Variants in ZFHX3 observed in about 807,000 individuals in gnomAD.
ZFHX3 encodes zinc finger homeobox protein 3.
Under a neutral mutation model 279.1 loss-of-function variants are expected in ZFHX3, and 42 were observed. The ratio of observed to expected loss-of-function variants is 0.15; its 90% CI spans 0.12 to 0.19. The LOEUF is 0.19. Ranked by LOEUF, ZFHX3 falls within the 10% of genes least tolerant of loss-of-function variation. The probability of loss-of-function intolerance (pLI) is 1.00; values close to 1 mark genes in which losing one functional copy is unlikely to be tolerated. For missense variants in ZFHX3, 4,981 were observed against 4,754.0 expected, an observed-to-expected ratio of 1.05 and a Z score of -1.40; for synonymous variants, 2,293 against 1,957.8, an observed-to-expected ratio of 1.17 and a Z score of -4.52.
chr16:72,803,533 A>AT (rs1010728519), intron 7 of ZFHX3, among the ~76,000 whole-genome samples: 2 of 152,044 alleles, frequency 1.3e-5, no homozygotes, highest in African/African-American at 2.4e-5. Context: ...AACAATATAC[A>AT]TGCTTTCTCT....
At chr16:73,251,846 CAT>C (rs1354223301) in intron 5 of ZFHX3, among the ~76,000 whole-genome samples, 32 of 140,568 alleles carry the variant, frequency 2.3e-4, no homozygotes, top group African/African-American at 8.4e-4. Flanking sequence ...TGCACACGCA[CAT>C]ACACACCGCA....
chr16:73,128,851 A>C (rs775615391), intron 7 of ZFHX3, among the ~76,000 whole-genome samples: 1 of 152,154 alleles, frequency 6.6e-6, no homozygotes, highest in African/African-American at 2.4e-5. Context: ...ACCATCAGAG[A>C]ATACCTTTTG....
chr16:73,349,138 TG>T (rs1431814676), intron 3 of ZFHX3, among the ~76,000 whole-genome samples: 2 of 152,092 alleles, frequency 1.3e-5, no homozygotes, highest in African/African-American at 4.8e-5. Context: ...AGGGATCTCT[TG>T]TGTCTTCCTG....
rs559226465 is a variant in ZFHX3 at position 73,298,757 on chromosome 16, A to G, written c.-1194+19483T>C. On this transcript the variant is annotated intron_variant, in intron 4 of 17. Transcript: ENST00000641206. ...TGGGGGCAGGGAAGGGAGATGCTGT[A>G]AGCAAAAGAGAAACTAACATTCCAG... Among the ~76,000 whole-genome samples, 34 of 152,290 alleles carry G rather than the reference A, an allele frequency of 2.2e-4. 1 individual carries two copies. The highest frequency in any genetic ancestry group is 7.9e-4 in the African/African-American group (33 of 41,564).
chr16:73,509,777 C>T (rs2019395845), intron 2 of ZFHX3, among the ~76,000 whole-genome samples: 2 of 149,316 alleles, frequency 1.3e-5, no homozygotes, highest in African/African-American at 2.5e-5. Context: ...CTCACTGCAA[C>T]CTCCACCCCC....
intron 3 of ZFHX3, among the ~76,000 whole-genome samples, chr16:72,932,653 C>CA (rs3079316): frequency 0.2 from 20,674 of 102,996 alleles, 2,591 homozygotes; most frequent in East Asian, 0.62. Context: ...TGCTCCGCAC[C>CA]AAAAAAAAAA....
intron 1 of ZFHX3, among the ~76,000 whole-genome samples, chr16:73,784,806 T>TACAC (rs1567409723): frequency 7.4e-5 from 9 of 121,774 alleles, no homozygotes; most frequent in African/African-American, 3.8e-4. Context: ...AATATATATA[T>TACAC]ATATATATAT....
chr16:73,105,356 C>CAG (rs1555498935), intron 7 of ZFHX3, among the ~76,000 whole-genome samples: 1 of 120,082 alleles, frequency 8.3e-6, no homozygotes, highest in Non-Finnish European at 1.8e-5. Context: ...TATATATACA[C>CAG]ATATATATAC....
At chr16:73,570,065 C>T (rs370358001) in intron 2 of ZFHX3, among the ~76,000 whole-genome samples, 52 of 152,068 alleles carry the variant, frequency 3.4e-4, no homozygotes, top group Admixed American at 5.2e-4. Context: ...TGACACTTCC[C>T]GGGTATACAT....
At chr16:73,052,369 G>A (rs1329088013), upstream of ZFHX3, among the ~76,000 whole-genome samples, 2 of 151,692 alleles carry the variant, frequency 1.3e-5, no homozygotes, top group African/African-American at 4.8e-5. Flanking sequence ...ATTCATTGAG[G>A]TTTGCAGTTC....
intron 4 of ZFHX3, among the ~76,000 whole-genome samples, chr16:72,838,779 A>G (rs771552781): frequency 1.3e-5 from 2 of 152,278 alleles, no homozygotes; most frequent in Non-Finnish European, 2.9e-5. Flanking sequence ...CTGTGTTCTT[A>G]GCAAAAGCAC....
chr16:72,804,443 A>T (rs2036202734), intron 7 of ZFHX3, among the ~76,000 whole-genome samples: 1 of 152,248 alleles, frequency 6.6e-6, no homozygotes, highest in Non-Finnish European at 1.5e-5. Flanking sequence ...TCACAGAAAG[A>T]ATATTCCAGA....
chr16:73,605,812 A>C (rs1946070076), intron 2 of ZFHX3, among the ~76,000 whole-genome samples: 1 of 152,130 alleles, frequency 6.6e-6, no homozygotes, highest in South Asian at 2.1e-4. Flanking sequence ...AAGCTATCAT[A>C]TGGGTACTTA....
chr16:73,663,813 G>T (rs927166466), intron 2 of ZFHX3, among the ~76,000 whole-genome samples: 4 of 152,178 alleles, frequency 2.6e-5, no homozygotes, highest in African/African-American at 9.7e-5. Context: ...ATCTCTGAGA[G>T]GGAAATGGAC....
chr16:73,064,265 G>A (rs796200858), upstream of ZFHX3, among the ~76,000 whole-genome samples: 9 of 152,152 alleles, frequency 5.9e-5, no homozygotes, highest in African/African-American at 2.2e-4. Context: ...CGGCCAGGGA[G>A]GTTCCGCGAC....
At chr16:73,102,401 G>A (rs1025135935) in intron 7 of ZFHX3, among the ~76,000 whole-genome samples, 1 of 152,114 alleles carries the variant, frequency 6.6e-6, no homozygotes, top group Non-Finnish European at 1.5e-5. Flanking sequence ...CTTCCACTAG[G>A]CTTGAAGCTG....
intron 1 of ZFHX3, among the ~76,000 whole-genome samples, chr16:73,783,158 C>A (rs530046940): frequency 6.6e-6 from 1 of 152,244 alleles, no homozygotes; most frequent in South Asian, 2.1e-4. Context: ...AGCTGAGTAC[C>A]GGGCCAAGAT....
rs183307056 is a variant in ZFHX3, at chr16:73,271,852, G to T, written c.-1193-14716C>A. Among the ~76,000 whole-genome samples the T allele has an allele frequency of 3.9e-5, 6 of 152,344 alleles. No individual in the cohort carries two copies. The East Asian group carries it at 1.2e-3, about 29-fold the overall frequency. On this transcript the variant is annotated intron_variant, in intron 4 of 17. Transcript: ENST00000641206. ...CTGGCCACATTGCTGATGGGGCATT[G>T]TCTCATCACCTGCTTCTCTTCTCAG...
intron 2 of ZFHX3, among the ~76,000 whole-genome samples, chr16:73,669,223 T>C (rs2142183120): frequency 6.6e-6 from 1 of 152,298 alleles, no homozygotes; most frequent in African/African-American, 2.4e-5. Context: ...CCTGCTAATT[T>C]TTGTATTTTT....
Sources: gnomAD v4.1 joint callset for allele counts (sites outside exome capture counted in the v4.1 genomes callset) on GRCh38, gnomAD v4.1.1 for gene constraint, MANE v1.5 for transcripts, NCBI Gene and HGNC (gene_info 2026-07-23, HGNC 2026-07-21) for gene names.